The following DMC1 variants were observed in gnomAD, a reference collection of about 807,000 sequenced individuals.
DMC1 encodes meiotic recombination protein DMC1 homolog.
A neutral mutation model predicts 50.1 loss-of-function variants in DMC1; 27 were observed. That is an observed-to-expected ratio of 0.54 (90% CI 0.40 to 0.74). DMC1 has a LOEUF of 0.74. Among genes scored for constraint, DMC1 ranks in the 30% least tolerant of loss-of-function variants. DMC1 has a pLI of 0.00. For synonymous variants in DMC1, 148 were observed against 136.1 expected (o/e 1.09, Z -0.61); for missense variants, 295 against 420.2 (o/e 0.70, Z 2.60).
rs983236343 is a variant in DMC1, at chr22:38,545,938, A to C, written c.494+3987T>G. The C allele has an allele frequency of 3.3e-5, 5 of 152,236 alleles. 1 individual carries two copies. Among genetic ancestry groups the C allele is most frequent in the Admixed American group, 2.0e-4 (3 of 15,284 alleles). The allele number at this position is 152,236 out of a possible 1,614,324, so 9.4% of individuals were successfully genotyped here. ...GCAAAATATAAACATATAAAAAGAAAACTATCAAGAGACAGCAGTATAAGT... is the reference window on the plus strand; with the variant it reads ...GCAAAATATAAACATATAAAAAGAACACTATCAAGAGACAGCAGTATAAGT... On this transcript the variant is annotated intron_variant, in intron 8 of 13. Coordinates refer to ENST00000216024, the MANE Select transcript of DMC1 (RefSeq NM_007068.4).
intron 5 of DMC1, among the ~76,000 whole-genome samples, chr22:38,561,478 G>A (rs5757141): frequency 0.24 from 37,127 of 151,986 alleles, 5,141 homozygotes; most frequent in East Asian, 0.36. Context: ...TAGGGTGTGT[G>A]AGAGAAAAAA....
chr22:38,516,176 T>C (rs1239809319), downstream of DMC1, among the ~76,000 whole-genome samples: 1 of 152,170 alleles, frequency 6.6e-6, no homozygotes, highest in Admixed American at 6.5e-5. Context: ...TGTCCCAAAG[T>C]TGGGCCCCAA....
chr22:38,512,862 T>A, the DMC1 span, among the ~76,000 whole-genome samples: 1 of 152,162 alleles, frequency 6.6e-6, no homozygotes, highest in East Asian at 1.9e-4. Flanking sequence ...GGCGGGTGGA[T>A]CACCTGAGGT....
intron 6 of DMC1, 22 bp from the exon 7 acceptor site, chr22:38,552,729 GA>G (rs757161168): frequency 2.7e-4 from 415 of 1,522,346 alleles, no homozygotes; most frequent in East Asian, 7.9e-4. Context: ...AGAAAAAAAT[GA>G]TTTTAAAAAT....
At chr22:38,521,538 TACACACAC>T (rs111317680) in intron 13 of DMC1, 62 bp downstream of exon 13, 12,551 of 641,768 alleles carry the variant, frequency 0.02, 125 homozygotes, top group African/African-American at 0.081. Flanking sequence ...ACCCCGTCTC[TACACACAC>T]ACACACACAC....
At chr22:38,538,044 T>C (rs547046639) in intron 11 of DMC1, among the ~76,000 whole-genome samples, 1 of 151,858 alleles carries the variant, frequency 6.6e-6, no homozygotes, top group South Asian at 2.1e-4. Flanking sequence ...CTCAGGAGGC[T>C]AAGGAGGAAG....
chr22:38,545,516 G>A (rs899172484), intron 8 of DMC1, among the ~76,000 whole-genome samples: 13 of 152,050 alleles, frequency 8.5e-5, no homozygotes, highest in African/African-American at 2.4e-4. Flanking sequence ...TCCGCCTCGC[G>A]GGTTCACACC....
Position 38,548,888 on chromosome 22 carries a change from TTC to T in DMC1, c.494+1035_494+1036del, listed in dbSNP as rs566084118. ...GTACATTAAAATGAAACATCACCTTTTCTCTTTTTCTCTGAAGCATGATCTTT... is the reference window on the plus strand; with the variant it reads ...GTACATTAAAATGAAACATCACCTTTTCTTTTTCTCTGAAGCATGATCTTT... On this transcript the variant is annotated intron_variant, in intron 8 of 13. Coordinates refer to ENST00000216024, the MANE Select transcript of DMC1 (RefSeq NM_007068.4). 5.7e-3 allele frequency among the ~76,000 whole-genome samples: 863 copies of T among 152,266 alleles called. 7 individuals carry two copies. The highest frequency in any genetic ancestry group is 0.02 in the African/African-American group (834 of 41,560).
intron 12 of DMC1, among the ~76,000 whole-genome samples, chr22:38,535,860 G>A (rs2090205792): frequency 1.3e-5 from 2 of 150,450 alleles, no homozygotes; most frequent in South Asian, 4.3e-4. Context: ...CTCCCACCTC[G>A]GCCTCCCAAA....
At chr22:38,563,100 G>C (rs1415304849) in intron 4 of DMC1, among the ~76,000 whole-genome samples, 3 of 152,062 alleles carry the variant, frequency 2.0e-5, no homozygotes, top group Admixed American at 6.6e-5. Flanking sequence ...TAAAGCAGAG[G>C]GTATTTTACT....
intron 12 of DMC1, among the ~76,000 whole-genome samples, chr22:38,535,743 G>C (rs973744636): frequency 3.3e-5 from 5 of 151,766 alleles, no homozygotes; most frequent in African/African-American, 1.2e-4. Context: ...AAGAAGCTAG[G>C]ACTACAGGTG....
At chr22:38,522,132 T>C (rs2090035914) in intron 12 of DMC1, among the ~76,000 whole-genome samples, 1 of 151,772 alleles carries the variant, frequency 6.6e-6, no homozygotes, top group African/African-American at 2.4e-5. Flanking sequence ...TTTGTATTTT[T>C]AGTAGAGATG....
At chr22:38,541,479 A>G (rs139295221) in intron 8 of DMC1, among the ~76,000 whole-genome samples, 8,158 of 152,164 alleles carry the variant, frequency 0.054, 370 homozygotes, top group African/African-American at 0.12. Context: ...TTTAGTAGAG[A>G]CAAGGTTTCG....
At chr22:38,552,741 G>A (rs762750892) in intron 6 of DMC1, 34 bp from the exon 7 acceptor site, 1 of 1,409,082 alleles carries the variant, frequency 7.1e-7, no homozygotes, top group South Asian at 1.2e-5. Flanking sequence ...TTTTAAAAAT[G>A]CATAATTTCC....
At chr22:38,548,566 C>T (rs1602747921) in intron 8 of DMC1, among the ~76,000 whole-genome samples, 1 of 151,848 alleles carries the variant, frequency 6.6e-6, no homozygotes. Flanking sequence ...AGAGCAAGAA[C>T]CTGTCTCAAA....
chr22:38,527,599 A>G (rs1235337490), intron 12 of DMC1, among the ~76,000 whole-genome samples: 16 of 148,110 alleles, frequency 1.1e-4, no homozygotes, highest in Non-Finnish European at 1.8e-4. Flanking sequence ...GCTCACTGCA[A>G]CCTCTGCTTC....
At chr22:38,537,544 T>C (rs1258187766) in intron 12 of DMC1, 48 bp downstream of exon 12, 1 of 1,533,254 alleles carries the variant, frequency 6.5e-7, no homozygotes, top group Non-Finnish European at 9.0e-7. Flanking sequence ...GCTCTAACCC[T>C]CTTTATATTA....
chr22:38,552,292 AG>A (rs1305678264), intron 7 of DMC1, among the ~76,000 whole-genome samples: 2 of 152,200 alleles, frequency 1.3e-5, no homozygotes, highest in Non-Finnish European at 2.9e-5. Context: ...AGTCTCTCTT[AG>A]GGCCAATTTT....
At chr22:38,529,926 A>G (rs1025695778) in intron 12 of DMC1, among the ~76,000 whole-genome samples, 1 of 152,014 alleles carries the variant, frequency 6.6e-6, no homozygotes, top group African/African-American at 2.4e-5. Context: ...CATTTTCGAG[A>G]AGTGGTCCAT....
Sources: gnomAD v4.1 joint callset for allele counts (sites outside exome capture counted in the v4.1 genomes callset) on GRCh38, gnomAD v4.1.1 for gene constraint, MANE v1.5 for transcripts, NCBI Gene and HGNC (gene_info 2026-07-23, HGNC 2026-07-21) for gene names.